The following MCUR1 variants were observed in gnomAD, a reference collection of about 807,000 sequenced individuals.
MCUR1 encodes mitochondrial calcium uniporter regulator 1, also known as MCU regulator 1.
In MCUR1, 37 loss-of-function variants were observed where a neutral mutation model predicts 42.0. That is an observed-to-expected ratio of 0.88 (90% CI 0.68 to 1.16). MCUR1 has a LOEUF of 1.16. Ranked by LOEUF, MCUR1 falls within the 50% of genes most tolerant of loss-of-function variation. The pLI is 0.00. For synonymous variants in MCUR1, 229 were observed against 196.2 expected (o/e 1.17, Z -1.40); for missense variants, 469 against 468.4 (o/e 1.00, Z -0.01).
At chr6:13,790,893 A>G in intron 8 of MCUR1, 29 bp from the exon 9 acceptor site, 1 of 1,511,260 alleles carries the variant, frequency 6.6e-7, no homozygotes, top group Non-Finnish European at 9.1e-7. Context: ...TGAGAGTACT[A>G]TTAGTTCTAT....
chr6:13,806,153 CTGAGGCAGGAG>C (rs1437882573), intron 2 of MCUR1, among the ~76,000 whole-genome samples: 1 of 151,998 alleles, frequency 6.6e-6, no homozygotes, highest in East Asian at 1.9e-4. Context: ...ACTCAGGAGG[CTGAGGCAGGAG>C]AATCGCTTGA....
chr6:13,813,966 G>A (rs1760298857), intron 1 of MCUR1, 49 bp downstream of exon 1: 2 of 1,225,520 alleles, frequency 1.6e-6, no homozygotes, highest in African/African-American at 3.1e-5. Context: ...CCGCCCCGCC[G>A]TCCAACCCCG....
chr6:13,787,511 C>A lies in MCUR1; in HGVS notation c.*3298G>T, dbSNP rs1052581722. 1.3e-5 allele frequency: 2 copies of A among 152,088 alleles called. No individual in the cohort carries two copies. The highest frequency in any genetic ancestry group is 2.9e-5 in the Non-Finnish European group (2 of 68,038). The allele number at this position is 152,088 out of a possible 1,614,324, so 9.4% of individuals were successfully genotyped here. A position where few individuals can be genotyped will look rare whatever the true frequency, so the allele number is the denominator to read the frequency against. On this transcript the variant is annotated 3_prime_UTR_variant, in exon 9 of 9. Transcript: ENST00000379170. ...TTTGCTTATTAATGTAGCAGGAGAG[C>A]ATGGAAATCGGAGTTCAGACTCTTT...
Position 13,793,986 on chromosome 6 carries a change from C to G in MCUR1, c.856-39G>C. 3 of 1,580,428 alleles carry G rather than the reference C, an allele frequency of 1.9e-6. No individual in the cohort carries two copies. In the South Asian group the frequency reaches 3.3e-5, roughly 17 times the overall value. On this transcript the variant is annotated intron_variant, in intron 6 of 8. Coordinates refer to ENST00000379170, the MANE Select transcript of MCUR1 (RefSeq NM_001031713.4). Reference sequence around the variant, plus strand: ...GTAACATGGGTCAGATTCTGATCTACTCCTCTCTCTTCTCCTTCTCTGGTG... The same window carrying G: ...GTAACATGGGTCAGATTCTGATCTAGTCCTCTCTCTTCTCCTTCTCTGGTG...
rs1759700421 is a variant in MCUR1 at position 13,790,419 on chromosome 6, C to G, written c.*390G>C. 6.5e-6 allele frequency: 1 copy of G among 154,586 alleles called. No homozygotes were observed. Among genetic ancestry groups the G allele is most frequent in the Non-Finnish European group, 1.4e-5 (1 of 70,698 alleles). 9.6% of individuals were successfully genotyped at this position (154,586 alleles called of 1,614,324 possible). On this transcript the variant is annotated 3_prime_UTR_variant, in exon 9 of 9. Coordinates refer to ENST00000379170, the MANE Select transcript of MCUR1 (RefSeq NM_001031713.4). The stretch of plus-strand genomic sequence containing the variant: ...TACACATTAAGTCAAAATCTGGGCT[C>G]AAATGTGTAACAAGAAAACAAAAGG...
In MCUR1 at chr6:13,793,889, C is replaced by T; in HGVS notation, c.909+5G>A. 1.9e-6 allele frequency: 3 copies of T among 1,612,742 alleles called. No individual in the cohort carries two copies. Among genetic ancestry groups the T allele is most frequent in the East Asian group, 2.2e-5 (1 of 44,864 alleles). On this transcript the variant is annotated splice_donor_5th_base_variant and intron_variant, in intron 7 of 8. Transcript: ENST00000379170. ...ACAAAGAAAAATCACAGTCTTGTTT[C>T]TTACCAATGCCACTATTTCTGTTCT...
chr6:13,802,070 T>C (rs966787063), intron 3 of MCUR1, among the ~76,000 whole-genome samples, 173 bp downstream of exon 3: 7 of 152,214 alleles, frequency 4.6e-5, no homozygotes, highest in Admixed American at 2.0e-4. Context: ...GTTGACTAAA[T>C]AGTTCTGAGT....
intron 6 of MCUR1, among the ~76,000 whole-genome samples, chr6:13,798,309 C>T (rs1264748763): frequency 1.3e-5 from 2 of 151,990 alleles, no homozygotes; most frequent in Non-Finnish European, 2.9e-5. Context: ...GTTGGGCAGG[C>T]ACGCTGCCTC....
intron 8 of MCUR1, among the ~76,000 whole-genome samples, chr6:13,791,538 G>T (rs1759728077): frequency 6.6e-6 from 1 of 152,112 alleles, no homozygotes; most frequent in South Asian, 2.1e-4. Context: ...GAAGCAGAAA[G>T]ATTACAACTG....
At chr6:13,801,412 C>T (rs1176071285) in intron 3 of MCUR1, 23 bp from the exon 4 acceptor site, 1 of 1,527,736 alleles carries the variant, frequency 6.5e-7, no homozygotes. Context: ...AAACAAAACA[C>T]ATAATCTAGT....
In MCUR1 at chr6:13,814,408, C is replaced by T; in HGVS notation, c.22G>A (p.Gly8Ser). The change falls in exon 1 of 9, where the codon GGC becomes AGC. Residue 8 changes from glycine to serine, a missense_variant. Coordinates refer to ENST00000379170, the MANE Select transcript of MCUR1 (RefSeq NM_001031713.4). The stretch of plus-strand genomic sequence containing the variant: ...CCGGGCAGGCGCTGGGTCCTCTGGC[C>T]GCCGACCGAGCCGCAGTCCATCCCC... MDCGSVG[G>S]QRTQRLPGRQ... 6.5e-7 allele frequency: 1 copy of T among 1,538,570 alleles called. No individual in the cohort carries two copies. The highest frequency in any genetic ancestry group is 8.7e-7 in the Non-Finnish European group (1 of 1,153,200).
At position 13,802,270 on chromosome 6, in the gene MCUR1, G is replaced by A. The variant is rs917710308; in HGVS notation, c.612C>T (p.Tyr204=). Residue 204 remains tyrosine (Y), a synonymous_variant, in exon 3 of 9, where the codon TAC becomes TAT. Coordinates refer to ENST00000379170, the MANE Select transcript of MCUR1 (RefSeq NM_001031713.4). ...GCTGCATCTTGGTGACCATATCTTT[G>A]TAGACGATGTCCATGTTGGCCTCCA... ...KILEANMDIV[Y]KDMVTKMQQE... 2.5e-6 allele frequency: 4 copies of A among 1,613,898 alleles called. No individual in the cohort carries two copies. Among genetic ancestry groups the A allele is most frequent in the South Asian group, 2.2e-5 (2 of 91,070 alleles).
rs1005715112 is a variant in MCUR1 at position 13,814,517 on chromosome 6, C to T, written c.-88G>A. The T allele has an allele frequency of 2.3e-5, 28 of 1,222,566 alleles. No individual in the cohort carries two copies. The highest frequency in any genetic ancestry group is 2.8e-5 in the Non-Finnish European group (27 of 971,998). The allele number at this position is 1,222,566 out of a possible 1,614,324, so 75.7% of individuals were successfully genotyped here. On this transcript the variant is annotated 5_prime_UTR_variant, in exon 1 of 9. Transcript: ENST00000379170. The stretch of plus-strand genomic sequence containing the variant: ...GCGGTCCAGGCCCAGAGTCCGACAG[C>T]GGGAGCGAGCGTGGGCCACAGCGCA...
intron 2 of MCUR1, among the ~76,000 whole-genome samples, chr6:13,802,999 A>G (rs1205144842): frequency 6.6e-6 from 1 of 152,106 alleles, no homozygotes; most frequent in Non-Finnish European, 1.5e-5. Flanking sequence ...AGTAGAAAAA[A>G]TATGTTCTTT....
Position 13,790,668 on chromosome 6 carries a change from G to C in MCUR1, c.*141C>G, listed in dbSNP as rs1759709864. 1 of 529,268 alleles carries C rather than the reference G, an allele frequency of 1.9e-6. No homozygotes were observed. Among genetic ancestry groups the C allele is most frequent in the Non-Finnish European group, 3.5e-6 (1 of 289,016 alleles). The allele number at this position is 529,268 out of a possible 1,614,324, so 32.8% of individuals were successfully genotyped here. ...GGGTTTCACCGTGTTGGCCAGGCTG[G>C]TCTCGAACTCCTGACCTCAGGTAAT... On this transcript the variant is annotated 3_prime_UTR_variant, in exon 9 of 9. Transcript: ENST00000379170.
chr6:13,807,150 T>C (rs1760129174), intron 1 of MCUR1, 106 bp from the exon 2 acceptor site: 12 of 1,255,792 alleles, frequency 9.6e-6, no homozygotes, highest in African/African-American at 4.5e-5. Flanking sequence ...TGGTACTTTA[T>C]AACAGCTTCG....
rs1029017777 is a variant in MCUR1 at position 13,789,500 on chromosome 6, A to G, written c.*1309T>C. The G allele has an allele frequency of 2.6e-5, 4 of 152,238 alleles. No individual in the cohort carries two copies. Among genetic ancestry groups the G allele is most frequent in the Non-Finnish European group, 5.9e-5 (4 of 68,046 alleles). The allele number at this position is 152,238 out of a possible 1,614,324, so 9.4% of individuals were successfully genotyped here. A position where few individuals can be genotyped will look rare whatever the true frequency, so the allele number is the denominator to read the frequency against. On this transcript the variant is annotated 3_prime_UTR_variant, in exon 9 of 9. Coordinates refer to ENST00000379170, the MANE Select transcript of MCUR1 (RefSeq NM_001031713.4). ...GGCAGGTATGAGAATGTTTTGAACAACAGAATTAATCCATCTAGATTAGAA... is the reference window on the plus strand; with the variant it reads ...GGCAGGTATGAGAATGTTTTGAACAGCAGAATTAATCCATCTAGATTAGAA...
rs1475511621 is a variant in MCUR1 at position 13,787,399 on chromosome 6, T to C, written c.*3410A>G. The C allele has an allele frequency of 6.6e-6, 1 of 152,196 alleles. No individual in the cohort carries two copies. The highest frequency in any genetic ancestry group is 2.4e-5 in the African/African-American group (1 of 41,442). The allele number at this position is 152,196 out of a possible 1,614,324, so 9.4% of individuals were successfully genotyped here. ...TACATTCAGATTTAGTTTTGCTAGA[T>C]ATTAAACTAGAAAACTGGATGACAG... On this transcript the variant is annotated 3_prime_UTR_variant, in exon 9 of 9. Transcript: ENST00000379170.
intron 4 of MCUR1, among the ~76,000 whole-genome samples, chr6:13,801,049 G>A (rs1255710752): frequency 1.3e-5 from 2 of 152,266 alleles, no homozygotes; most frequent in Admixed American, 6.5e-5. Flanking sequence ...TAGAATAGGC[G>A]AAACTAGTTA....
Sources: gnomAD v4.1 joint callset for allele counts (sites outside exome capture counted in the v4.1 genomes callset) on GRCh38, gnomAD v4.1.1 for gene constraint, MANE v1.5 for transcripts, NCBI Gene and HGNC (gene_info 2026-07-23, HGNC 2026-07-21) for gene names.